Variants in VPS13B observed in about 807,000 individuals in gnomAD.
VPS13B encodes intermembrane lipid transfer protein VPS13B.
Under a neutral mutation model 426.4 loss-of-function variants are expected in VPS13B, and 285 were observed. The observed-to-expected ratio is 0.67, with a 90% CI of 0.61 to 0.74. VPS13B has a LOEUF of 0.74. Among genes scored for constraint, VPS13B ranks in the 30% least tolerant of loss-of-function variants. VPS13B has a pLI of 0.00. For synonymous variants in VPS13B, 1,676 were observed against 1,676.4 expected, an observed-to-expected ratio of 1.00 and a Z score of 0.01; for missense variants, 4,537 against 4,782.6, an observed-to-expected ratio of 0.95 and a Z score of 1.51.
intron 35 of VPS13B, chr8:99,697,623 G>A: frequency 3.1e-6 from 2 of 637,562 alleles, no homozygotes; most frequent in Non-Finnish European, 5.8e-6. Flanking sequence ...ATATGTGAAA[G>A]CATCTAAAGC....
chr8:99,699,895 T>C lies in VPS13B; in HGVS notation c.6417T>C (p.Asn2139=), dbSNP rs1359924343. ...TGTTAGCATCTCTCTCAAACCTCAA[T>C]GGAAGCCTTAGTGTCAAGGCAACAC... The part of the protein sequence containing the change: ...PCLLASLSNL[N]GSLSVKATQK... Residue 2139 remains asparagine, a synonymous_variant, in exon 36 of 62, where the codon AAT becomes AAC. Coordinates refer to ENST00000357162, the MANE Select transcript of VPS13B (RefSeq NM_152564.5). The C allele has an allele frequency of 1.9e-5, 30 of 1,613,736 alleles. No individual in the cohort carries two copies. Among genetic ancestry groups the C allele is most frequent in the Non-Finnish European group, 2.3e-5 (27 of 1,179,980 alleles).
intron 31 of VPS13B, among the ~76,000 whole-genome samples, chr8:99,574,474 C>G (rs1009481058): frequency 1.3e-5 from 2 of 152,128 alleles, no homozygotes; most frequent in South Asian, 4.1e-4. Flanking sequence ...AGAAATGTCC[C>G]ATCAATACCT....
At chr8:99,240,915 G>A (rs1046618876) in intron 17 of VPS13B, 3 of 152,634 alleles carry the variant, frequency 2.0e-5, no homozygotes, top group Non-Finnish European at 4.4e-5. Context: ...GTGTTTGATG[G>A]AACACTTGGC....
chr8:99,430,547 T>A (rs1247301701), intron 21 of VPS13B, among the ~76,000 whole-genome samples: 1 of 152,186 alleles, frequency 6.6e-6, no homozygotes, highest in Non-Finnish European at 1.5e-5. Context: ...ATTCCTGAAA[T>A]CTTTCATTAT....
At chr8:99,259,267 A>T (rs1817920841) in intron 17 of VPS13B, among the ~76,000 whole-genome samples, 1 of 152,092 alleles carries the variant, frequency 6.6e-6, no homozygotes, top group African/African-American at 2.4e-5. Context: ...TCTATCATGG[A>T]TGAAATCTTA....
At chr8:99,066,702 A>G (rs1274346125) in intron 3 of VPS13B, among the ~76,000 whole-genome samples, 1 of 152,246 alleles carries the variant, frequency 6.6e-6, no homozygotes, top group Non-Finnish European at 1.5e-5. Flanking sequence ...AACTACCATC[A>G]GAGTGAACAG....
At chr8:99,494,468 G>A (rs1820786161) in intron 25 of VPS13B, among the ~76,000 whole-genome samples, 3 of 151,938 alleles carry the variant, frequency 2.0e-5, no homozygotes, top group Admixed American at 2.0e-4. Context: ...CTATTGTAAA[G>A]GGAATTATTC....
In VPS13B at chr8:99,147,949, C is replaced by A; in HGVS notation, c.1952C>A (p.Thr651Lys). ...TSVTLLKCTC[T>K]ISMAEFNLLD... ...GTTACTCTCCTCAAATGTACCTGCACAATTTCCATGGCTGAATTCAACTTG... is the reference window on the plus strand; with the variant it reads ...GTTACTCTCCTCAAATGTACCTGCAAAATTTCCATGGCTGAATTCAACTTG... The change falls in exon 14 of 62, where the codon ACA becomes AAA. Residue 651 changes from threonine to lysine, a missense_variant. Thr to Lys is a moderately conservative substitution (Grantham distance 78). Around this residue, in one of 2 missense-constraint regions of VPS13B, gnomAD observed 4,311 missense variants for 4,474.3 expected, o/e 0.96. Transcript: ENST00000357162. 6.2e-7 allele frequency: 1 copy of A among 1,613,624 alleles called. No individual in the cohort carries two copies. Among genetic ancestry groups the A allele is most frequent in the South Asian group, 1.1e-5 (1 of 91,070 alleles).
chr8:99,385,146 C>G (rs1292467283), intron 20 of VPS13B, among the ~76,000 whole-genome samples: 2 of 152,132 alleles, frequency 1.3e-5, no homozygotes, highest in Admixed American at 1.3e-4. Context: ...ATTATAGTTT[C>G]TAGAATACTT....
intron 54 of VPS13B, among the ~76,000 whole-genome samples, 200 bp from the exon 55 acceptor site, chr8:99,848,576 A>C (rs575478384): frequency 7.2e-5 from 11 of 152,292 alleles, no homozygotes; most frequent in African/African-American, 2.6e-4. Flanking sequence ...TTACAGCTGA[A>C]TATTGAAAAA....
At chr8:99,818,391 T>C in intron 45 of VPS13B, 60 bp from the exon 46 acceptor site, 1 of 1,479,156 alleles carries the variant, frequency 6.8e-7, no homozygotes, top group East Asian at 2.3e-5. Context: ...CTGTGCCTTA[T>C]TTTGATTAAT....
intron 39 of VPS13B, among the ~76,000 whole-genome samples, chr8:99,730,120 C>T (rs1030516266): frequency 2.6e-5 from 4 of 152,206 alleles, no homozygotes; most frequent in African/African-American, 9.6e-5. Context: ...CATATGTTCC[C>T]AGAATCCTGA....
rs75759456 is a variant in VPS13B, at chr8:99,673,025, G to A, written c.6046+11534G>A. On this transcript the variant is annotated intron_variant, in intron 35 of 61. Coordinates refer to ENST00000357162, the MANE Select transcript of VPS13B (RefSeq NM_152564.5). ...AGATTTTTAATGTATTTTAAATTCC[G>A]TCTACTACTATTTTGTTGAGGGTTT... Among the ~76,000 whole-genome samples, 115 of 152,002 alleles carry A rather than the reference G, an allele frequency of 7.6e-4. 1 individual carries two copies. In the East Asian group the frequency reaches 0.02, roughly 27 times the overall value.
At chr8:99,598,726 T>A (rs1827137690) in intron 33 of VPS13B, among the ~76,000 whole-genome samples, 1 of 151,968 alleles carries the variant, frequency 6.6e-6, no homozygotes, top group Admixed American at 6.6e-5. Context: ...TTCCTTCCTT[T>A]GCCTTCTCCC....
chr8:99,255,052 C>G (rs189166123), intron 17 of VPS13B, among the ~76,000 whole-genome samples: 1 of 151,488 alleles, frequency 6.6e-6, no homozygotes. Context: ...TCTTTTTTTC[C>G]CTGTTTTTTT....
At chr8:99,378,801 T>C (rs1275159036) in intron 19 of VPS13B, among the ~76,000 whole-genome samples, 1 of 152,220 alleles carries the variant, frequency 6.6e-6, no homozygotes, top group Non-Finnish European at 1.5e-5. Flanking sequence ...TCTGCACTTC[T>C]TGCTGATTTT....
intron 19 of VPS13B, among the ~76,000 whole-genome samples, chr8:99,280,103 C>A (rs1045823800): frequency 2.6e-5 from 4 of 152,154 alleles, no homozygotes; most frequent in South Asian, 4.1e-4. Flanking sequence ...GTTAAGAGTT[C>A]TATTTACATG....
At chr8:99,154,622 A>G (rs1811255934) in intron 14 of VPS13B, among the ~76,000 whole-genome samples, 1 of 152,144 alleles carries the variant, frequency 6.6e-6, no homozygotes, top group African/African-American at 2.4e-5. Context: ...AAATTTGACT[A>G]TTTGCATGGT....
intron 51 of VPS13B, among the ~76,000 whole-genome samples, chr8:99,827,195 G>C (rs1468941576): frequency 6.6e-6 from 1 of 152,078 alleles, no homozygotes; most frequent in South Asian, 2.1e-4. Context: ...GAATCTGTCT[G>C]GTCCTGCGCA....
Sources: allele counts gnomAD v4.1 joint callset (sites outside exome capture counted in the v4.1 genomes callset), GRCh38; gene constraint gnomAD v4.1.1; regional missense constraint gnomAD v4.1.1; transcripts MANE v1.5; gene names NCBI Gene and HGNC (gene_info 2026-07-23, HGNC 2026-07-21).